Variants in ZNRF1 observed in about 807,000 individuals in gnomAD.
The protein encoded by ZNRF1 is E3 ubiquitin-protein ligase ZNRF1.
A neutral mutation model predicts 18.4 loss-of-function variants in ZNRF1; 3 were observed. The observed-to-expected ratio is 0.16, with a 90% CI of 0.07 to 0.42. The LOEUF is 0.42. Among genes scored for constraint, ZNRF1 ranks in the 10% least tolerant of loss-of-function variants. The pLI, the probability that ZNRF1 is intolerant of heterozygous loss-of-function variation, is 0.99. For missense variants in ZNRF1, 310 were observed against 329.8 expected, an observed-to-expected ratio of 0.94 and a Z score of 0.47; for synonymous variants, 157 against 144.2, an observed-to-expected ratio of 1.09 and a Z score of -0.64.
rs1398132085 is a variant in ZNRF1 at position 75,035,809 on chromosome 16, C to G, written c.424+35714C>G. On this transcript the variant is annotated intron_variant, in intron 1 of 4. Coordinates refer to ENST00000335325, the MANE Select transcript of ZNRF1 (RefSeq NM_032268.5). ...ACAGTGTGCTTCCTGAAATTGTGCA[C>G]ATGCCCACTTGAGGCATTCCTTTAC... Among the ~76,000 whole-genome samples the G allele has an allele frequency of 5.9e-5, 9 of 152,334 alleles. No homozygotes were observed. The East Asian group carries it at 1.7e-3, about 29-fold the overall frequency.
chr16:75,045,622 T>G (rs1223104120), intron 1 of ZNRF1, among the ~76,000 whole-genome samples: 1 of 152,128 alleles, frequency 6.6e-6, no homozygotes, highest in Non-Finnish European at 1.5e-5. Context: ...CAGGCTGGCC[T>G]CCTGCCATGG....
intron 1 of ZNRF1, among the ~76,000 whole-genome samples, chr16:75,082,403 A>T (rs1355214475): frequency 6.6e-6 from 1 of 152,182 alleles, no homozygotes; most frequent in East Asian, 1.9e-4. Flanking sequence ...GTTGCTGAGG[A>T]TCCACCTGGC....
At chr16:75,001,451 G>T (rs1051764586) in intron 1 of ZNRF1, among the ~76,000 whole-genome samples, 1 of 152,164 alleles carries the variant, frequency 6.6e-6, no homozygotes, top group Non-Finnish European at 1.5e-5. Context: ...ACAGACCTCC[G>T]GATATCATTG....
At chr16:75,000,501 C>T (rs1041414242) in intron 1 of ZNRF1, 3 of 361,076 alleles carry the variant, frequency 8.3e-6, no homozygotes, top group African/African-American at 6.3e-5. Context: ...AGCAGTGTCT[C>T]CTAAACAGAG....
At chr16:75,037,694 C>T (rs994240189) in intron 1 of ZNRF1, among the ~76,000 whole-genome samples, 1 of 152,096 alleles carries the variant, frequency 6.6e-6, no homozygotes, top group African/African-American at 2.4e-5. Flanking sequence ...TCCAATTCAC[C>T]TTTTCTTCCA....
intron 1 of ZNRF1, among the ~76,000 whole-genome samples, chr16:75,053,929 G>T (rs991310770): frequency 3.3e-5 from 5 of 152,170 alleles, no homozygotes; most frequent in African/African-American, 1.2e-4. Flanking sequence ...CAAGTTCTTT[G>T]TTACATATTC....
At chr16:75,011,472 A>G (rs570962324) in intron 1 of ZNRF1, among the ~76,000 whole-genome samples, 99 of 152,268 alleles carry the variant, frequency 6.5e-4, no homozygotes, top group African/African-American at 1.7e-3. Context: ...GGCTTAAGAC[A>G]TCCTCCTACC....
intron 1 of ZNRF1, among the ~76,000 whole-genome samples, chr16:75,015,701 A>C (rs929872284): frequency 2.0e-5 from 3 of 152,140 alleles, no homozygotes; most frequent in African/African-American, 7.2e-5. Context: ...CTCCCACCTC[A>C]GTCTCCTGGG....
intron 1 of ZNRF1, among the ~76,000 whole-genome samples, chr16:75,056,404 T>C (rs2035668472): frequency 6.6e-6 from 1 of 152,210 alleles, no homozygotes; most frequent in African/African-American, 2.4e-5. Flanking sequence ...CTGAAAAGAA[T>C]AGGTTTAAAA....
chr16:75,007,078 T>C (rs753974804), intron 1 of ZNRF1, among the ~76,000 whole-genome samples: 4 of 129,420 alleles, frequency 3.1e-5, no homozygotes, highest in Admixed American at 2.4e-4. Flanking sequence ...TTTTTTTTTT[T>C]AAGACAGGGT....
intron 4 of ZNRF1, chr16:75,106,845 A>T: frequency 3.2e-6 from 1 of 317,072 alleles, no homozygotes; most frequent in Admixed American, 4.0e-5. Flanking sequence ...ATTCCTAAAG[A>T]AAGTTCAGGA....
intron 1 of ZNRF1, among the ~76,000 whole-genome samples, chr16:75,006,066 C>T (rs890967572): frequency 1.3e-5 from 2 of 152,126 alleles, no homozygotes; most frequent in Admixed American, 6.5e-5. Flanking sequence ...AGAAAAGGTA[C>T]AGGATATAGT....
At chr16:75,004,604 G>A (rs1251278093) in intron 1 of ZNRF1, among the ~76,000 whole-genome samples, 2 of 152,096 alleles carry the variant, frequency 1.3e-5, no homozygotes, top group Non-Finnish European at 2.9e-5. Context: ...AGGTGATTGT[G>A]TTTTGTTTTT....
chr16:75,052,717 AT>A (rs2035620940), intron 1 of ZNRF1, among the ~76,000 whole-genome samples: 1 of 152,168 alleles, frequency 6.6e-6, no homozygotes, highest in Admixed American at 6.5e-5. Flanking sequence ...GTGAACACCC[AT>A]ATAACCACCA....
intron 2 of ZNRF1, among the ~76,000 whole-genome samples, chr16:75,096,691 G>A (rs1238692712): frequency 6.6e-6 from 1 of 152,122 alleles, no homozygotes; most frequent in African/African-American, 2.4e-5. Context: ...GAAATTTTTA[G>A]AAAATTTATG....
chr16:75,069,872 C>T (rs537664336), intron 1 of ZNRF1, among the ~76,000 whole-genome samples: 2 of 152,314 alleles, frequency 1.3e-5, no homozygotes, highest in East Asian at 1.9e-4. Flanking sequence ...TCATCATCTT[C>T]ACCCCTGCCC....
Position 75,074,429 on chromosome 16 carries a change from T to C in ZNRF1, c.425-19143T>C, listed in dbSNP as rs1443953818. On this transcript the variant is annotated intron_variant, in intron 1 of 4. Coordinates refer to ENST00000335325, the MANE Select transcript of ZNRF1 (RefSeq NM_032268.5). Reference sequence around the variant, plus strand: ...GTGTCTAAAGGGTGTGGAGTTGTATTTAAGCCTTTACTATCACATTGTGAA... The same window carrying C: ...GTGTCTAAAGGGTGTGGAGTTGTATCTAAGCCTTTACTATCACATTGTGAA... 2.0e-5 allele frequency among the ~76,000 whole-genome samples: 3 copies of C among 152,174 alleles called. 1 individual carries two copies. Among genetic ancestry groups the C allele is most frequent in the Admixed American group, 2.0e-4 (3 of 15,272 alleles).
intron 1 of ZNRF1, among the ~76,000 whole-genome samples, chr16:75,059,116 G>A (rs76411293): frequency 5.9e-5 from 9 of 152,208 alleles, no homozygotes; most frequent in South Asian, 2.1e-4. Context: ...TTGAGAGTAG[G>A]TGTCAGGACT....
chr16:75,092,262 AGAGGAG>A (rs544029258), intron 1 of ZNRF1, among the ~76,000 whole-genome samples: 1 of 152,130 alleles, frequency 6.6e-6, no homozygotes, highest in African/African-American at 2.4e-5. Flanking sequence ...AGTAGGCTGA[AGAGGAG>A]GAGGAGGAGG....
Sources: gnomAD v4.1 joint callset for allele counts (sites outside exome capture counted in the v4.1 genomes callset) on GRCh38, gnomAD v4.1.1 for gene constraint, MANE v1.5 for transcripts, NCBI Gene and HGNC (gene_info 2026-07-23, HGNC 2026-07-21) for gene names.